The following UIMC1 variants were observed in gnomAD, a reference collection of about 807,000 sequenced individuals.
The protein encoded by UIMC1 is ubiquitin interaction motif containing 1, also known as BRCA1-A complex subunit RAP80.
UIMC1 carries 42 observed loss-of-function variants against 84.9 expected under a neutral mutation model. The ratio of observed to expected loss-of-function variants is 0.49; its 90% CI spans 0.39 to 0.64. The LOEUF is 0.64. Among genes scored for constraint, UIMC1 ranks in the 30% least tolerant of loss-of-function variants. The pLI is 0.00. For synonymous variants in UIMC1, 281 were observed against 293.0 expected, an observed-to-expected ratio of 0.96 and a Z score of 0.42; for missense variants, 825 against 847.6, an observed-to-expected ratio of 0.97 and a Z score of 0.33.
In UIMC1 at chr5:176,982,579, C is replaced by T. The variant is rs548830338; in HGVS notation, c.37G>A (p.Glu13Lys). Residue 13 changes from glutamate to lysine, a missense_variant, in exon 2 of 15, where the codon GAA becomes AAA. By Grantham distance (56) the Glu-to-Lys change is moderately conservative. Coordinates refer to ENST00000511320, the MANE Select transcript of UIMC1 (RefSeq NM_001199298.2). ...TCCTTCTTCTCCAGGTTCCGAGATT[C>T]GGAGACTTCTTTAACTTTTTTCTTT... ...RRKKKVKEVS[E>K]SRNLEKKDVE... 24 of 1,614,020 alleles carry T rather than the reference C, an allele frequency of 1.5e-5. No individual in the cohort carries two copies. The highest frequency in any genetic ancestry group is 2.2e-5 in the East Asian group (1 of 44,876).
intron 1 of UIMC1, among the ~76,000 whole-genome samples, chr5:177,015,481 A>T (rs1775650656): frequency 6.6e-6 from 1 of 152,178 alleles, no homozygotes; most frequent in Non-Finnish European, 1.5e-5. Flanking sequence ...CTCCAGCTCC[A>T]AGGGTGGCCC....
chr5:176,960,412 C>T (rs770835020), intron 6 of UIMC1, among the ~76,000 whole-genome samples: 34 of 152,060 alleles, frequency 2.2e-4, no homozygotes, highest in African/African-American at 2.7e-4. Context: ...AATATGAACA[C>T]AGGATAGCAA....
chr5:176,989,205 C>T (rs1772458828), intron 1 of UIMC1, among the ~76,000 whole-genome samples: 1 of 151,958 alleles, frequency 6.6e-6, no homozygotes, highest in Non-Finnish European at 1.5e-5. Flanking sequence ...AAAAAAAACA[C>T]TTAAAGGATT....
intron 1 of UIMC1, among the ~76,000 whole-genome samples, chr5:176,994,858 G>A (rs1773373921): frequency 2.0e-5 from 3 of 152,148 alleles, no homozygotes; most frequent in Admixed American, 2.0e-4. Context: ...CTGCACAGTA[G>A]GGAAAACAGG....
chr5:176,969,580 A>C, intron 5 of UIMC1, 21 bp downstream of exon 5: 1 of 1,605,722 alleles, frequency 6.2e-7, no homozygotes, highest in Non-Finnish European at 8.5e-7. Context: ...GAATGGAAGG[A>C]GTCAGAACAG....
chr5:176,959,641 G>C (rs925053698), intron 6 of UIMC1, among the ~76,000 whole-genome samples: 1 of 147,918 alleles, frequency 6.8e-6, no homozygotes, highest in African/African-American at 2.5e-5. Context: ...GCGTGAACCC[G>C]GGAGGCGGAG....
intron 9 of UIMC1, among the ~76,000 whole-genome samples, chr5:176,944,930 C>A (rs1764895082): frequency 6.6e-6 from 1 of 152,222 alleles, no homozygotes; most frequent in Non-Finnish European, 1.5e-5. Flanking sequence ...TCCCTCCCAA[C>A]AAGCCGCTGG....
intron 10 of UIMC1, among the ~76,000 whole-genome samples, chr5:176,918,182 T>C (rs1457500116): frequency 6.6e-6 from 1 of 152,228 alleles, no homozygotes; most frequent in Non-Finnish European, 1.5e-5. Context: ...CCAAGCCTCC[T>C]CTGGCATACC....
rs572165108 is a variant in UIMC1 at position 176,961,145 on chromosome 5, G to T, written c.1201-2991C>A. Among the ~76,000 whole-genome samples, 31 of 79,816 alleles carry T rather than the reference G, an allele frequency of 3.9e-4. 12 individuals carry two copies. The highest frequency in any genetic ancestry group is 2.3e-3 in the African/African-American group (25 of 10,844). 52.4% of individuals were successfully genotyped at this position (79,816 alleles called of 152,430 possible). ...CTCGGCTGCCCAGTCTGGGAAGTGA[G>T]GAGCGTCTCCGCCCGGCCGCCATCC... On this transcript the variant is annotated intron_variant, in intron 6 of 14. Transcript: ENST00000511320.
chr5:176,916,736 A>T (rs1761024811), intron 10 of UIMC1, among the ~76,000 whole-genome samples: 1 of 152,190 alleles, frequency 6.6e-6, no homozygotes, highest in South Asian at 2.1e-4. Flanking sequence ...CCAAAGACTT[A>T]AACCCATCCA....
At chr5:176,912,832 A>G (rs929400909) in intron 10 of UIMC1, among the ~76,000 whole-genome samples, 4 of 152,050 alleles carry the variant, frequency 2.6e-5, no homozygotes, top group African/African-American at 9.7e-5. Flanking sequence ...ACGCCCAGCT[A>G]ATTTTTTGTA....
At chr5:176,980,198 T>C (rs768805397) in intron 2 of UIMC1, 3 of 152,182 alleles carry the variant, frequency 2.0e-5, no homozygotes, top group Admixed American at 1.3e-4. Context: ...AAATAGACTA[T>C]TGTGGGGACT....
intron 1 of UIMC1, among the ~76,000 whole-genome samples, chr5:176,982,848 C>T (rs1400809279): frequency 1.3e-5 from 2 of 152,148 alleles, no homozygotes; most frequent in East Asian, 1.9e-4. Context: ...CACAGGCACA[C>T]GCCACCACAC....
rs549017732 is a variant in UIMC1, at chr5:176,915,612, C to A, written c.1598-4223G>T. ...CTGGGATTACAGGCGCCTGCCACCA[C>A]ACCTGGCTAATTTTTGTATTTTTAG... is the stretch of plus-strand genomic sequence containing the variant. On this transcript the variant is annotated intron_variant, in intron 10 of 14. Transcript: ENST00000511320. Among the ~76,000 whole-genome samples, 18 of 151,806 alleles carry A rather than the reference C, an allele frequency of 1.2e-4. No homozygotes were observed. The East Asian group carries it at 3.1e-3, about 26-fold the overall frequency.
chr5:176,972,310 G>A (rs575633679), intron 3 of UIMC1, among the ~76,000 whole-genome samples: 4 of 152,072 alleles, frequency 2.6e-5, no homozygotes, highest in African/African-American at 9.6e-5. Context: ...GCTGAGGCAG[G>A]AGAATGGCGT....
chr5:176,985,346 C>T (rs923430496), intron 1 of UIMC1, among the ~76,000 whole-genome samples: 2 of 151,644 alleles, frequency 1.3e-5, no homozygotes, highest in Non-Finnish European at 2.9e-5. Flanking sequence ...ATCCCTGCTA[C>T]TCAGGAGACT....
upstream of UIMC1, among the ~76,000 whole-genome samples, chr5:177,011,281 A>T (rs1775543826): frequency 6.6e-6 from 1 of 151,246 alleles, no homozygotes; most frequent in South Asian, 2.1e-4. Context: ...GATACATACC[A>T]GTAGTCCCAG....
intron 1 of UIMC1, among the ~76,000 whole-genome samples, chr5:177,003,104 T>C (rs1774773264): frequency 6.6e-6 from 1 of 151,870 alleles, no homozygotes; most frequent in African/African-American, 2.4e-5. Flanking sequence ...CAGGATAAAA[T>C]TAAAGGTAAA....
intron 10 of UIMC1, among the ~76,000 whole-genome samples, chr5:176,928,353 G>T (rs936967650): frequency 2.6e-5 from 4 of 152,108 alleles, no homozygotes; most frequent in African/African-American, 9.7e-5. Context: ...GCTTTTAAGA[G>T]TACATTTTCT....
Sources: gnomAD v4.1 joint callset for allele counts (sites outside exome capture counted in the v4.1 genomes callset) on GRCh38, gnomAD v4.1.1 for gene constraint, MANE v1.5 for transcripts, NCBI Gene and HGNC (gene_info 2026-07-23, HGNC 2026-07-21) for gene names.